NALF1: variants seen among roughly 807,000 people sequenced by gnomAD.
NALF1 encodes NALCN channel auxiliary factor 1, also known as family with sequence similarity 155 member A.
Under a neutral mutation model 48.4 loss-of-function variants are expected in NALF1, and 3 were observed. The ratio of observed to expected loss-of-function variants is 0.06; its 90% confidence interval spans 0.03 to 0.16. The LOEUF (loss-of-function observed/expected upper bound fraction) is 0.16, where lower values mean the gene tolerates loss of function less well. Ranked by LOEUF, NALF1 falls within the 10% of genes least tolerant of loss-of-function variation. NALF1 has a pLI of 1.00. For synonymous variants in NALF1, 262 were observed against 245.7 expected, an observed-to-expected ratio of 1.07 and a Z score of -0.62; for missense variants, 526 against 571.5, an observed-to-expected ratio of 0.92 and a Z score of 0.81.
intron 1 of NALF1, among the ~76,000 whole-genome samples, chr13:107,638,297 G>A (rs1187440611): frequency 1.3e-5 from 2 of 150,420 alleles, no homozygotes; most frequent in African/African-American, 2.4e-5. Context: ...TTATTTCCAG[G>A]AGTAGATTAT....
chr13:107,734,775 A>AATG lies in NALF1; in HGVS notation c.915+130904_915+130906dup, dbSNP rs568823532. Among the ~76,000 whole-genome samples, 756 of 152,264 alleles carry AATG rather than the reference A, an allele frequency of 5.0e-3. 4 individuals are homozygous for AATG. Among genetic ancestry groups the AATG allele is most frequent in the Non-Finnish European group, 8.7e-3 (591 of 68,016 alleles). On this transcript the variant is annotated intron_variant, in intron 1 of 2. Transcript: ENST00000375915. ...GCACACATAATGGGCTCCCATTAAT[A>AATG]ATGATGATGATGATAACTACCATTG... is the stretch of plus-strand genomic sequence containing the variant.
chr13:107,344,588 CCTCT>C (rs1408226701), intron 1 of NALF1, among the ~76,000 whole-genome samples: 1 of 152,102 alleles, frequency 6.6e-6, no homozygotes, highest in African/African-American at 2.4e-5. Flanking sequence ...ATCACATGCT[CCTCT>C]CTATGATGCA....
At chr13:107,370,300 C>T (rs1313404019) in intron 1 of NALF1, among the ~76,000 whole-genome samples, 2 of 152,206 alleles carry the variant, frequency 1.3e-5, no homozygotes, top group Admixed American at 6.5e-5. Context: ...ACATCCTTCC[C>T]GCCCCAAAAC....
At position 107,695,684 on chromosome 13, in the gene NALF1, G is replaced by A. The variant is rs567011511; in HGVS notation, c.915+169998C>T. Among the ~76,000 whole-genome samples, 93 of 152,234 alleles carry A rather than the reference G, an allele frequency of 6.1e-4. 4 individuals are homozygous for A. The East Asian group carries it at 0.014, about 23-fold the overall frequency. ...AATACCATTCTCCTCGGTTCTAGAT[G>A]AGAACTCTCTCTATTATAGCACGTA... On this transcript the variant is annotated intron_variant, in intron 1 of 2. Coordinates refer to ENST00000375915, the MANE Select transcript of NALF1 (RefSeq NM_001080396.3).
At chr13:107,774,955 A>G (rs1877683398) in intron 1 of NALF1, among the ~76,000 whole-genome samples, 1 of 152,158 alleles carries the variant, frequency 6.6e-6, no homozygotes, top group Non-Finnish European at 1.5e-5. Flanking sequence ...GTAAATGCCT[A>G]TGTCTCCCAA....
intron 1 of NALF1, among the ~76,000 whole-genome samples, chr13:107,259,908 A>T (rs1880897431): frequency 6.6e-6 from 1 of 152,214 alleles, no homozygotes; most frequent in Non-Finnish European, 1.5e-5. Flanking sequence ...TCTACACTCC[A>T]TGAGAGCAAG....
chr13:107,332,744 C>T (rs1882491712), intron 1 of NALF1, among the ~76,000 whole-genome samples: 2 of 152,294 alleles, frequency 1.3e-5, no homozygotes, highest in East Asian at 3.9e-4. Context: ...GGATATAGAG[C>T]CATTGCTCCT....
rs76799663 is a variant in NALF1, at chr13:107,605,989, T to C, written c.915+259693A>G. Among the ~76,000 whole-genome samples the C allele has an allele frequency of 1.6e-3, 250 of 152,270 alleles. 1 individual carries two copies. Among genetic ancestry groups the C allele is most frequent in the African/African-American group, 5.9e-3 (245 of 41,546 alleles). Reference sequence around the variant, plus strand: ...TGCAAACCTGGGAGTGTTTCAATTTTGGGATTCAATAGCCAGATCTCCAAA... The same window carrying C: ...TGCAAACCTGGGAGTGTTTCAATTTCGGGATTCAATAGCCAGATCTCCAAA... On this transcript the variant is annotated intron_variant, in intron 1 of 2. Coordinates refer to ENST00000375915, the MANE Select transcript of NALF1 (RefSeq NM_001080396.3).
At chr13:107,522,907 C>T (rs1876293982) in intron 1 of NALF1, among the ~76,000 whole-genome samples, 1 of 151,988 alleles carries the variant, frequency 6.6e-6, no homozygotes. Flanking sequence ...TGTGAGCCAC[C>T]GTGCCTGGCC....
intron 1 of NALF1, among the ~76,000 whole-genome samples, chr13:107,434,964 A>T (rs1175023707): frequency 6.6e-6 from 1 of 152,092 alleles, no homozygotes; most frequent in Non-Finnish European, 1.5e-5. Flanking sequence ...TCTCAACTTC[A>T]TTGGCCTCAA....
At chr13:107,825,816 T>C (rs541775764) in intron 1 of NALF1, among the ~76,000 whole-genome samples, 2 of 152,288 alleles carry the variant, frequency 1.3e-5, no homozygotes, top group African/African-American at 4.8e-5. Flanking sequence ...AGTCTCGCTC[T>C]GTCACCCAGG....
chr13:107,648,233 G>A (rs906080060), intron 1 of NALF1, among the ~76,000 whole-genome samples: 3 of 152,094 alleles, frequency 2.0e-5, no homozygotes, highest in African/African-American at 7.2e-5. Flanking sequence ...TTTGCATTGT[G>A]CAGTTCTATG....
chr13:107,458,448 T>A (rs886258815), intron 1 of NALF1, among the ~76,000 whole-genome samples: 5 of 152,268 alleles, frequency 3.3e-5, no homozygotes, highest in Middle Eastern at 3.4e-3. Context: ...GTAACCACTG[T>A]CGCCGGCAAT....
In NALF1 at chr13:107,866,147, G is replaced by C; in HGVS notation, c.450C>G (p.Asp150Glu). 1 of 1,610,046 alleles carries C rather than the reference G, an allele frequency of 6.2e-7. No homozygotes were observed. The highest frequency in any genetic ancestry group is 8.5e-7 in the Non-Finnish European group (1 of 1,178,660). ...CTAGAAAAAGAGCCTTGCCCCGGTCGTCTTTGCCTCGGTTGCCCTTGCCGC... is the reference window on the plus strand; with the variant it reads ...CTAGAAAAAGAGCCTTGCCCCGGTCCTCTTTGCCTCGGTTGCCCTTGCCGC... ...GGGGKGNRGK[D>E]DRGKALFLGN... Residue 150 changes from aspartate (D) to glutamate (E), a missense_variant, in exon 1 of 3, where the codon GAC (aspartate) becomes GAG (glutamate). Transcript: ENST00000375915. This position sits in a 1 kb window ranked among gnomAD's most constrained non-coding sequence, Gnocchi z 4.4.
At chr13:107,714,626 T>TTAAAAAAA (rs1555320362) in intron 1 of NALF1, among the ~76,000 whole-genome samples, 10 of 126,470 alleles carry the variant, frequency 7.9e-5, no homozygotes, top group African/African-American at 2.9e-4. Flanking sequence ...GAGGCTTTAT[T>TTAAAAAAA]AAAAAAAAAA....
chr13:107,866,295 GGCTCCTGCTGCCGCCGCTGCT>G lies in NALF1; in HGVS notation c.281_301del (p.Gln94_Glu100del), dbSNP rs1566511583. 6.2e-7 allele frequency: 1 copy of G among 1,605,004 alleles called. No individual in the cohort carries two copies. Among genetic ancestry groups the G allele is most frequent in the Non-Finnish European group, 8.5e-7 (1 of 1,177,838 alleles). On this transcript the variant is annotated inframe_deletion, in exon 1 of 3. Transcript: ENST00000375915. The surrounding 1 kb of genome is among the most constrained non-coding windows in gnomAD (Gnocchi z 4.4). Reference sequence around the variant, plus strand: ...GCTCGCCAGGAGCGCGGGCCAGGAGGGCTCCTGCTGCCGCCGCTGCTGCTGCTGCTGCTGCCGCTGCCTCTG... The same window carrying G: ...GCTCGCCAGGAGCGCGGGCCAGGAGGGCTGCTGCTGCTGCCGCTGCCTCTG...
At chr13:107,605,553 A>G (rs1879043119) in intron 1 of NALF1, among the ~76,000 whole-genome samples, 1 of 152,130 alleles carries the variant, frequency 6.6e-6, no homozygotes, top group Non-Finnish European at 1.5e-5. Flanking sequence ...GGTATCACTT[A>G]TGGGTTTCAC....
At chr13:107,293,585 ATAAT>A (rs1470665614) in intron 1 of NALF1, among the ~76,000 whole-genome samples, 2 of 152,196 alleles carry the variant, frequency 1.3e-5, no homozygotes, top group African/African-American at 4.8e-5. Flanking sequence ...ATGTCTGGTG[ATAAT>A]TAATACTGAG....
intron 1 of NALF1, among the ~76,000 whole-genome samples, chr13:107,489,045 C>T (rs923450057): frequency 1.3e-5 from 2 of 151,886 alleles, no homozygotes; most frequent in African/African-American, 2.4e-5. Context: ...TAATAAAATA[C>T]GTAGGAATAC....
Sources: gnomAD v4.1 joint callset for allele counts (sites outside exome capture counted in the v4.1 genomes callset) on GRCh38, gnomAD v4.1.1 for gene constraint, Gnocchi (gnomAD v3.1) non-coding constraint, MANE v1.5 for transcripts, NCBI Gene and HGNC (gene_info 2026-07-23, HGNC 2026-07-21) for gene names.